The following MAGI2 variants were observed in gnomAD, a reference collection of about 807,000 sequenced individuals.
MAGI2 encodes membrane-associated guanylate kinase, WW and PDZ domain-containing protein 2.
Under a neutral mutation model 133.3 loss-of-function variants are expected in MAGI2, and 35 were observed. The observed-to-expected ratio is 0.26, with a 90% confidence interval of 0.20 to 0.35. The LOEUF is 0.35. MAGI2 is among the 10% of genes least tolerant of loss of function. MAGI2 has a pLI of 1.00. For synonymous variants in MAGI2, 729 were observed against 710.6 expected, an observed-to-expected ratio of 1.03 and a Z score of -0.41; for missense variants, 1,636 against 1,863.4, an observed-to-expected ratio of 0.88 and a Z score of 2.25.
intron 2 of MAGI2, among the ~76,000 whole-genome samples, chr7:78,995,069 A>G (rs1806153086): frequency 6.6e-6 from 1 of 152,112 alleles, no homozygotes; most frequent in Non-Finnish European, 1.5e-5. Flanking sequence ...AAATAAAATA[A>G]AAGGTTTGCA....
rs539891866 is a variant in MAGI2, at chr7:78,572,802, A to T, written c.539-51157T>A. On this transcript the variant is annotated intron_variant, in intron 3 of 21. Transcript: ENST00000354212. ...CTTAGCCACCCAAGTAGCTGGGATT[A>T]CAGGCATGTGCCACCATGCCCAGCT... 1.9e-3 allele frequency among the ~76,000 whole-genome samples: 292 copies of T among 151,732 alleles called. 4 individuals carry two copies. Among genetic ancestry groups the T allele is most frequent in the African/African-American group, 6.7e-3 (278 of 41,392 alleles).
In MAGI2 at chr7:79,451,485, A is replaced by G. The variant is rs150523801; in HGVS notation, c.301+1535T>C. On this transcript the variant is annotated intron_variant, in intron 1 of 21. Transcript: ENST00000354212. ...CTCTATTTTCCTTCCTACCAAACTC[A>G]TATCCCTTCAGTGTTAAATAGTATG... 3.1e-3 allele frequency among the ~76,000 whole-genome samples: 468 copies of G among 152,256 alleles called. 4 individuals carry two copies. Among genetic ancestry groups the G allele is most frequent in the African/African-American group, 0.01 (418 of 41,544 alleles).
chr7:79,111,925 C>T lies in MAGI2; in HGVS notation c.302-104719G>A, dbSNP rs552318061. Reference sequence around the variant, plus strand: ...CTCGTGATCCGCCCCTCTCGGCCTCCGAAAGTGCTGGGATTACAGGTGTGA... The same window carrying T: ...CTCGTGATCCGCCCCTCTCGGCCTCTGAAAGTGCTGGGATTACAGGTGTGA... On this transcript the variant is annotated intron_variant, in intron 1 of 21. Transcript: ENST00000354212. Among the ~76,000 whole-genome samples the T allele has an allele frequency of 2.0e-5, 3 of 152,064 alleles. No homozygotes were observed. The East Asian group carries it at 5.8e-4, about 30-fold the overall frequency.
At chr7:78,323,631 T>C (rs536907335) in intron 9 of MAGI2, among the ~76,000 whole-genome samples, 104 of 152,340 alleles carry the variant, frequency 6.8e-4, no homozygotes, top group African/African-American at 2.4e-3. Flanking sequence ...GGTCATAGTT[T>C]TTTTTGTGTT....
intron 3 of MAGI2, among the ~76,000 whole-genome samples, chr7:78,607,957 A>T (rs1258489989): frequency 1.3e-5 from 2 of 152,200 alleles, no homozygotes; most frequent in Non-Finnish European, 2.9e-5. Flanking sequence ...ACCTCTCAAG[A>T]GGACATAAAA....
At chr7:79,021,872 G>T (rs1484424188) in intron 1 of MAGI2, among the ~76,000 whole-genome samples, 1 of 152,168 alleles carries the variant, frequency 6.6e-6, no homozygotes, top group South Asian at 2.1e-4. Flanking sequence ...ATCTTGAATT[G>T]TAAGAATCCC....
At chr7:79,130,582 A>C (rs1820845029) in intron 1 of MAGI2, among the ~76,000 whole-genome samples, 2 of 152,194 alleles carry the variant, frequency 1.3e-5, no homozygotes, top group African/African-American at 4.8e-5. Context: ...TCTAGTGTCT[A>C]CTTCATCTCA....
At chr7:79,201,404 A>G (rs928716918) in intron 1 of MAGI2, among the ~76,000 whole-genome samples, 5 of 151,998 alleles carry the variant, frequency 3.3e-5, no homozygotes, top group Admixed American at 2.6e-4. Context: ...ACAGACAATA[A>G]AGTTTCTCTA....
chr7:79,038,662 T>C (rs546951450), intron 1 of MAGI2, among the ~76,000 whole-genome samples: 7 of 152,342 alleles, frequency 4.6e-5, no homozygotes, highest in African/African-American at 1.7e-4. Context: ...TTCATTTCTT[T>C]TTACAGCTAT....
chr7:79,171,770 A>ATATATATATATATATATT, intron 1 of MAGI2, among the ~76,000 whole-genome samples: 4 of 31,222 alleles, frequency 1.3e-4, no homozygotes, highest in Non-Finnish European at 2.2e-4. Context: ...ATATATATAT[A>ATATATATATATATATATT]TTTTTTTTTT....
At chr7:78,168,960 C>G (rs887302931) in intron 14 of MAGI2, among the ~76,000 whole-genome samples, 4 of 152,200 alleles carry the variant, frequency 2.6e-5, no homozygotes, top group African/African-American at 7.2e-5. Context: ...AATACTTCCT[C>G]AGAGCACTGT....
At chr7:78,518,298 A>T (rs1796207206) in intron 4 of MAGI2, 2 of 152,202 alleles carry the variant, frequency 1.3e-5, no homozygotes, top group African/African-American at 4.8e-5. Context: ...TATCACTAAG[A>T]AATATATTTA....
intron 9 of MAGI2, among the ~76,000 whole-genome samples, chr7:78,309,842 T>C (rs919525184): frequency 2.6e-5 from 4 of 152,036 alleles, no homozygotes; most frequent in Non-Finnish European, 1.5e-5. Context: ...CTTTCTTCTA[T>C]AGATTAGGTT....
At chr7:79,163,697 G>T (rs7801546) in intron 1 of MAGI2, among the ~76,000 whole-genome samples, 106,737 of 151,672 alleles carry the variant, frequency 0.7, 39,921 homozygotes, top group Non-Finnish European at 0.84. Flanking sequence ...AAGAATATAA[G>T]GATGCAAGCA....
Position 78,249,785 on chromosome 7 carries a change from T to C in MAGI2, c.2047+6158A>G, listed in dbSNP as rs567923694. ...AGGAGAAAATAGTTCCTGTGTCCTA[T>C]TGCACATTAGGTTGACTATAGTTAC... On this transcript the variant is annotated intron_variant, in intron 10 of 21. Coordinates refer to ENST00000354212, the MANE Select transcript of MAGI2 (RefSeq NM_012301.4). Among the ~76,000 whole-genome samples, 3 of 152,148 alleles carry C rather than the reference T, an allele frequency of 2.0e-5. No individual in the cohort carries two copies. The South Asian group carries it at 6.2e-4, about 32-fold the overall frequency.
intron 1 of MAGI2, among the ~76,000 whole-genome samples, chr7:79,267,420 G>A (rs1453664279): frequency 6.6e-6 from 1 of 152,144 alleles, no homozygotes; most frequent in Non-Finnish European, 1.5e-5. Context: ...CTTTGTGCAG[G>A]ACTTAACACT....
At chr7:78,927,678 T>G (rs897234027) in intron 2 of MAGI2, among the ~76,000 whole-genome samples, 28 of 152,042 alleles carry the variant, frequency 1.8e-4, no homozygotes, top group African/African-American at 6.3e-4. Flanking sequence ...TAGATATCTC[T>G]TACACAACTC....
intron 2 of MAGI2, among the ~76,000 whole-genome samples, chr7:78,767,043 G>A (rs996197600): frequency 4.0e-5 from 6 of 151,030 alleles, no homozygotes; most frequent in Admixed American, 1.3e-4. Context: ...AGGCTGGAGT[G>A]CAATGGCACG....
chr7:78,963,357 A>G (rs1803021731), intron 2 of MAGI2, among the ~76,000 whole-genome samples: 1 of 152,100 alleles, frequency 6.6e-6, no homozygotes, highest in Non-Finnish European at 1.5e-5. Context: ...CTTCTCTGAT[A>G]TTTCAATTGG....
Sources: gnomAD v4.1 joint callset for allele counts (sites outside exome capture counted in the v4.1 genomes callset) on GRCh38, gnomAD v4.1.1 for gene constraint, MANE v1.5 for transcripts, NCBI Gene and HGNC (gene_info 2026-07-23, HGNC 2026-07-21) for gene names.